Variants in GRIK1 observed in about 807,000 individuals in gnomAD.
GRIK1 encodes the protein glutamate ionotropic receptor kainate type subunit 1, also known as glutamate receptor ionotropic, kainate 1.
A neutral mutation model predicts 105.7 loss-of-function variants in GRIK1; 69 were observed. The observed-to-expected ratio is 0.65, with a 90% CI of 0.54 to 0.80. GRIK1 has a LOEUF of 0.80. Ranked by LOEUF, GRIK1 falls within the 30% of genes least tolerant of loss-of-function variation. GRIK1 has a pLI of 0.00. For missense variants in GRIK1, 1,109 were observed against 1,167.3 expected (o/e 0.95, Z 0.73); for synonymous variants, 438 against 431.3 (o/e 1.02, Z -0.19).
intron 1 of GRIK1, among the ~76,000 whole-genome samples, chr21:29,799,541 G>GT (rs112263748): frequency 0.075 from 11,467 of 152,038 alleles, 672 homozygotes; most frequent in African/African-American, 0.16. Context: ...TTGTTTGTTT[G>GT]TTTTTTGAGA....
chr21:29,676,079 C>T (rs1243840955), intron 3 of GRIK1, among the ~76,000 whole-genome samples: 9 of 152,182 alleles, frequency 5.9e-5, no homozygotes, highest in Non-Finnish European at 1.0e-4. Flanking sequence ...TCAACTTTTA[C>T]AGTTGTTTCA....
At chr21:29,862,427 C>T (rs1320148008) in intron 1 of GRIK1, among the ~76,000 whole-genome samples, 1 of 152,042 alleles carries the variant, frequency 6.6e-6, no homozygotes, top group Non-Finnish European at 1.5e-5. Flanking sequence ...AATTTAAAAA[C>T]TTTCTATCAG....
rs535440121 is a variant in GRIK1, at chr21:29,917,645, G to A, written c.118+21738C>T. Among the ~76,000 whole-genome samples the A allele has an allele frequency of 5.9e-5, 9 of 152,108 alleles. No homozygotes were observed. In the East Asian group the frequency reaches 7.7e-4, roughly 13 times the overall value. On this transcript the variant is annotated intron_variant, in intron 1 of 17. Transcript: ENST00000327783. ...TATTGGTCTGTCATTGTTGAGGACA[G>A]TGGTCTCTAAGCATTTTTTTCTAAC...
At chr21:29,765,647 G>C (rs576010966) in intron 1 of GRIK1, among the ~76,000 whole-genome samples, 1 of 152,142 alleles carries the variant, frequency 6.6e-6, no homozygotes, top group African/African-American at 2.4e-5. Flanking sequence ...ATATGCCAGG[G>C]GACAGTTAAT....
chr21:29,666,139 C>T (rs1028492973), intron 4 of GRIK1, among the ~76,000 whole-genome samples: 1 of 152,194 alleles, frequency 6.6e-6, no homozygotes, highest in Non-Finnish European at 1.5e-5. Context: ...CTTGGTGGCT[C>T]ACGCCTGTAA....
At chr21:29,654,373 C>A (rs2062803115) in intron 5 of GRIK1, among the ~76,000 whole-genome samples, 2 of 152,172 alleles carry the variant, frequency 1.3e-5, no homozygotes. Context: ...GAAGGTTTTT[C>A]AGACATCTGA....
chr21:29,873,776 T>C (rs887158777), intron 1 of GRIK1, among the ~76,000 whole-genome samples: 3 of 152,164 alleles, frequency 2.0e-5, no homozygotes, highest in East Asian at 1.9e-4. Context: ...CTGTAAAAAA[T>C]TGGAAAGTTT....
chr21:29,766,549 G>A (rs951166647), intron 1 of GRIK1, among the ~76,000 whole-genome samples: 3 of 152,168 alleles, frequency 2.0e-5, no homozygotes, highest in African/African-American at 7.2e-5. Flanking sequence ...ATAACACCAA[G>A]TTTTGGATTT....
intron 1 of GRIK1, among the ~76,000 whole-genome samples, chr21:29,860,978 T>C (rs922424650): frequency 2.0e-5 from 3 of 152,120 alleles, no homozygotes; most frequent in Non-Finnish European, 4.4e-5. Flanking sequence ...CAGAATATAT[T>C]ATAAAATTCA....
At chr21:29,866,301 T>C (rs2068799271) in intron 1 of GRIK1, among the ~76,000 whole-genome samples, 1 of 152,082 alleles carries the variant, frequency 6.6e-6, no homozygotes, top group Non-Finnish European at 1.5e-5. Flanking sequence ...TAAGCTAAAG[T>C]GATCTGCACC....
At chr21:29,765,849 A>G (rs2065648794) in intron 1 of GRIK1, among the ~76,000 whole-genome samples, 1 of 150,458 alleles carries the variant, frequency 6.6e-6, no homozygotes, top group Non-Finnish European at 1.5e-5. Context: ...TTATCTAAGA[A>G]AATTCTTCTT....
intron 1 of GRIK1, among the ~76,000 whole-genome samples, chr21:29,784,709 C>G (rs549307215): frequency 2.0e-4 from 30 of 152,216 alleles, no homozygotes; most frequent in Middle Eastern, 3.4e-3. Context: ...TTAATACTAT[C>G]CCATACATCA....
chr21:29,583,367 A>T (rs543034842), intron 12 of GRIK1, among the ~76,000 whole-genome samples: 100 of 152,284 alleles, frequency 6.6e-4, no homozygotes, highest in African/African-American at 2.0e-3. Context: ...CGTTACTTAA[A>T]CACTATCATT....
At chr21:29,622,130 A>G (rs1006135831) in intron 7 of GRIK1, among the ~76,000 whole-genome samples, 5 of 151,880 alleles carry the variant, frequency 3.3e-5, no homozygotes, top group Non-Finnish European at 2.9e-5. Context: ...TATTTTTAGT[A>G]GAGAAGGGGT....
At chr21:29,637,957 G>C (rs2146508980) in intron 7 of GRIK1, among the ~76,000 whole-genome samples, 1 of 152,150 alleles carries the variant, frequency 6.6e-6, no homozygotes, top group African/African-American at 2.4e-5. Flanking sequence ...CCACCACTAG[G>C]TACTGTCTTC....
intron 3 of GRIK1, among the ~76,000 whole-genome samples, chr21:29,682,110 AG>A (rs1331714858): frequency 6.6e-6 from 1 of 152,192 alleles, no homozygotes; most frequent in East Asian, 1.9e-4. Flanking sequence ...TCATCTCTTG[AG>A]AGATCTGGTG....
intron 1 of GRIK1, among the ~76,000 whole-genome samples, chr21:29,853,590 T>G (rs1353998126): frequency 1.3e-5 from 2 of 152,358 alleles, no homozygotes; most frequent in East Asian, 3.9e-4. Flanking sequence ...CCAATCTAGC[T>G]TTTTGGAGAA....
At chr21:29,597,581 T>G (rs363431) in intron 8 of GRIK1, 4 of 433,724 alleles carry the variant, frequency 9.2e-6, no homozygotes, top group African/African-American at 8.3e-5. Context: ...CAACATCCCA[T>G]GCACCATCGT....
chr21:29,830,939 G>A (rs965622838), intron 1 of GRIK1, among the ~76,000 whole-genome samples: 1 of 151,954 alleles, frequency 6.6e-6, no homozygotes, highest in Non-Finnish European at 1.5e-5. Context: ...CACAAACAAA[G>A]GTCACCATAA....
Sources: allele counts gnomAD v4.1 joint callset (sites outside exome capture counted in the v4.1 genomes callset), GRCh38; gene constraint gnomAD v4.1.1; transcripts MANE v1.5; gene names NCBI Gene and HGNC (gene_info 2026-07-23, HGNC 2026-07-21).